CNTNAP2: variants seen among roughly 807,000 people sequenced by gnomAD.
The protein encoded by CNTNAP2 is contactin-associated protein-like 2.
In CNTNAP2, 98 loss-of-function variants were observed where a neutral mutation model predicts 155.2. The ratio of observed to expected loss-of-function variants is 0.63; its 90% CI spans 0.54 to 0.75. CNTNAP2 has a LOEUF of 0.75. CNTNAP2 is among the 30% of genes least tolerant of loss of function. The probability of loss-of-function intolerance (pLI) is 0.00; values close to 1 mark genes in which losing one functional copy is unlikely to be tolerated. For missense variants in CNTNAP2, 1,727 were observed against 1,688.1 expected, an observed-to-expected ratio of 1.02 and a Z score of -0.40; for synonymous variants, 651 against 631.2, an observed-to-expected ratio of 1.03 and a Z score of -0.47.
intron 20 of CNTNAP2, among the ~76,000 whole-genome samples, chr7:148,230,621 G>A (rs1295927298): frequency 1.3e-5 from 2 of 152,196 alleles, no homozygotes; most frequent in Non-Finnish European, 2.9e-5. Flanking sequence ...GGGAAGTTCA[G>A]GTTGCAAAGA....
At chr7:146,774,738 G>GT (rs1389470512) in intron 2 of CNTNAP2, among the ~76,000 whole-genome samples, 3 of 152,098 alleles carry the variant, frequency 2.0e-5, no homozygotes, top group Non-Finnish European at 4.4e-5. Flanking sequence ...TGCGTACGGT[G>GT]TATTAAAAAA....
intron 15 of CNTNAP2, among the ~76,000 whole-genome samples, chr7:148,003,414 A>G (rs1307920622): frequency 6.6e-6 from 1 of 152,172 alleles, no homozygotes; most frequent in Non-Finnish European, 1.5e-5. Flanking sequence ...AGAGGAAAAA[A>G]AATTTGCTAA....
intron 1 of CNTNAP2, among the ~76,000 whole-genome samples, chr7:146,294,834 GT>G (rs1196600506): frequency 6.6e-6 from 1 of 152,074 alleles, no homozygotes; most frequent in Non-Finnish European, 1.5e-5. Context: ...TAGTAATTTG[GT>G]TTTTAAGTAT....
intron 1 of CNTNAP2, among the ~76,000 whole-genome samples, chr7:146,201,100 G>T (rs1328332331): frequency 6.6e-6 from 1 of 152,068 alleles, no homozygotes; most frequent in Non-Finnish European, 1.5e-5. Flanking sequence ...ATTTTTGTTA[G>T]ACTTCAGCCA....
chr7:147,537,596 T>C (rs76908736), intron 11 of CNTNAP2, among the ~76,000 whole-genome samples: 31,319 of 152,070 alleles, frequency 0.21, 3,487 homozygotes, highest in Admixed American at 0.29. Flanking sequence ...AGTTGTAGCT[T>C]CTTACTAAAG....
intron 10 of CNTNAP2, among the ~76,000 whole-genome samples, chr7:147,439,901 T>C (rs1196686048): frequency 6.6e-6 from 1 of 152,018 alleles, no homozygotes; most frequent in East Asian, 1.9e-4. Flanking sequence ...TAACTCCTAC[T>C]TTTGTTTTGG....
chr7:146,389,296 G>T (rs1235278259), intron 1 of CNTNAP2, among the ~76,000 whole-genome samples: 1 of 151,930 alleles, frequency 6.6e-6, no homozygotes, highest in African/African-American at 2.4e-5. Context: ...CTGTCCTAAA[G>T]AGGACATCTG....
chr7:146,170,543 T>C (rs1212335226), intron 1 of CNTNAP2, among the ~76,000 whole-genome samples: 2 of 152,158 alleles, frequency 1.3e-5, no homozygotes, highest in Non-Finnish European at 2.9e-5. Context: ...CCACTGCACC[T>C]CACCACTAAT....
chr7:148,190,891 G>C (rs1275027472), intron 18 of CNTNAP2: 1 of 151,436 alleles, frequency 6.6e-6, no homozygotes, highest in African/African-American at 2.4e-5. Flanking sequence ...AGCAAAAAAA[G>C]AAAAATAGAA....
At chr7:148,254,825 GCAT>G (rs973634062) in intron 20 of CNTNAP2, among the ~76,000 whole-genome samples, 4 of 149,944 alleles carry the variant, frequency 2.7e-5, no homozygotes, top group Non-Finnish European at 4.4e-5. Context: ...AATTTAAGCA[GCAT>G]CATATTTGTT....
chr7:147,857,310 T>G (rs1339331416), intron 13 of CNTNAP2, among the ~76,000 whole-genome samples: 1 of 152,244 alleles, frequency 6.6e-6, no homozygotes. Flanking sequence ...TTAGTTGTTT[T>G]ACTACATTTG....
At chr7:146,144,475 A>G (rs1297881269) in intron 1 of CNTNAP2, among the ~76,000 whole-genome samples, 1 of 152,196 alleles carries the variant, frequency 6.6e-6, no homozygotes, top group African/African-American at 2.4e-5. Context: ...TTAAAAAACA[A>G]AAAATAGAAA....
chr7:148,285,991 T>C (rs1446886540), intron 21 of CNTNAP2, among the ~76,000 whole-genome samples: 1 of 152,134 alleles, frequency 6.6e-6, no homozygotes, highest in Non-Finnish European at 1.5e-5. Flanking sequence ...ATTCTTATAA[T>C]AAATTAAGCT....
At chr7:147,325,084 C>G (rs1365227250) in intron 9 of CNTNAP2, among the ~76,000 whole-genome samples, 1 of 152,082 alleles carries the variant, frequency 6.6e-6, no homozygotes, top group Non-Finnish European at 1.5e-5. Context: ...AGGTGAATCA[C>G]TTGAGGTCAG....
chr7:147,838,339 C>A (rs866709588), intron 13 of CNTNAP2, among the ~76,000 whole-genome samples: 1 of 152,142 alleles, frequency 6.6e-6, no homozygotes, highest in Non-Finnish European at 1.5e-5. Context: ...GTGAATAACT[C>A]GGCTCCTCAT....
At chr7:146,357,416 T>C (rs913225530) in intron 1 of CNTNAP2, among the ~76,000 whole-genome samples, 1 of 152,070 alleles carries the variant, frequency 6.6e-6, no homozygotes, top group Admixed American at 6.5e-5. Flanking sequence ...ATATAATCTA[T>C]CAGTATCATA....
In CNTNAP2 at chr7:147,665,330, G is replaced by A. The variant is rs192502155; in HGVS notation, c.2098+26024G>A. Among the ~76,000 whole-genome samples, 22 of 152,290 alleles carry A rather than the reference G, an allele frequency of 1.4e-4. No homozygotes were observed. In the East Asian group the frequency reaches 3.9e-3, roughly 27 times the overall value. ...TTCATTCTCATTACTGTGTATGTGA[G>A]TATATTACAAATTGTCTCCTATTTT... is the stretch of plus-strand genomic sequence containing the variant. On this transcript the variant is annotated intron_variant, in intron 13 of 23. Transcript: ENST00000361727.
chr7:146,296,705 TA>T (rs759265480), intron 1 of CNTNAP2, among the ~76,000 whole-genome samples: 38 of 151,618 alleles, frequency 2.5e-4, no homozygotes, highest in Admixed American at 2.0e-4. Flanking sequence ...CAATATAAAT[TA>T]ATTTGGCCAC....
intron 1 of CNTNAP2, among the ~76,000 whole-genome samples, chr7:146,752,782 A>G (rs894395534): frequency 6.6e-6 from 1 of 152,144 alleles, no homozygotes; most frequent in Non-Finnish European, 1.5e-5. Flanking sequence ...ATCCATCTTG[A>G]GTTAATTTTT....
Sources: gnomAD v4.1 joint callset for allele counts (sites outside exome capture counted in the v4.1 genomes callset) on GRCh38, gnomAD v4.1.1 for gene constraint, MANE v1.5 for transcripts, NCBI Gene and HGNC (gene_info 2026-07-23, HGNC 2026-07-21) for gene names.